Variants in TRIM10 observed in about 807,000 individuals in gnomAD.
TRIM10 encodes tripartite motif containing 10, also known as tripartite motif-containing protein 10.
TRIM10 carries 42 observed loss-of-function variants against 40.0 expected under a neutral mutation model. That is an observed-to-expected ratio of 1.05 (90% CI 0.82 to 1.36). TRIM10 has a LOEUF of 1.36. TRIM10 is among the 40% of genes most tolerant of loss of function. TRIM10 has a pLI of 0.00. For synonymous variants in TRIM10, 260 were observed against 239.5 expected (o/e 1.09, Z -0.79); for missense variants, 601 against 608.3 (o/e 0.99, Z 0.13).
intron 1 of TRIM10, among the ~76,000 whole-genome samples, chr6:30,159,775 C>G (rs949797938): frequency 6.6e-6 from 1 of 151,846 alleles, no homozygotes; most frequent in African/African-American, 2.4e-5. Flanking sequence ...GGAACAGGTA[C>G]ACACACGATA....
At position 30,152,340 on chromosome 6, in the gene TRIM10, A is replaced by G. The variant is rs1366767396; in HGVS notation, c.*1629T>C. 1 of 143,998 alleles carries G rather than the reference A, an allele frequency of 6.9e-6. No homozygotes were observed. The highest frequency in any genetic ancestry group is 1.6e-5 in the Non-Finnish European group (1 of 63,788). The allele number at this position is 143,998 out of a possible 1,614,324, so 8.9% of individuals were successfully genotyped here. Reference sequence around the variant, plus strand: ...ACACAGCTAAAGCCAATAAAAATAAACAAAAATAGGATCTACTTTTCTGGA... The same window carrying G: ...ACACAGCTAAAGCCAATAAAAATAAGCAAAAATAGGATCTACTTTTCTGGA... On this transcript the variant is annotated 3_prime_UTR_variant, in exon 7 of 7. Coordinates refer to ENST00000449742, the MANE Select transcript of TRIM10 (RefSeq NM_006778.4).
intron 1 of TRIM10, 109 bp downstream of exon 1, chr6:30,160,321 A>G (rs1772951386): frequency 3.3e-6 from 4 of 1,211,532 alleles, no homozygotes; most frequent in Non-Finnish European, 4.6e-6. Context: ...TGATCATGTA[A>G]GTAAGGAGAA....
chr6:30,159,210 T>C lies in TRIM10; in HGVS notation c.465A>G (p.Lys155=). The part of the protein sequence containing the change: ...QIHKCLKCLR[K]EREEIQEIQS... ...GGATTTCTTGAATCTCCTCTCTCTC[T>C]TTTCTTAGACATTTAAGACACTTAT... is the stretch of plus-strand genomic sequence containing the variant. The change falls in exon 2 of 7, where the codon AAA becomes AAG. Residue 155 remains lysine, a synonymous_variant. Transcript: ENST00000449742. 1.9e-6 allele frequency: 3 copies of C among 1,611,620 alleles called. No homozygotes were observed. Among genetic ancestry groups the C allele is most frequent in the Non-Finnish European group, 2.5e-6 (3 of 1,178,696 alleles).
upstream of TRIM10, chr6:30,163,833 C>T: frequency 6.2e-7 from 1 of 1,613,066 alleles, no homozygotes; most frequent in South Asian, 1.1e-5. Flanking sequence ...GGGGCCCAAT[C>T]CTCGGGCAAG....
chr6:30,160,480 G>T lies in TRIM10; in HGVS notation c.379C>A (p.His127Asn), dbSNP rs769894583. 1 of 1,614,096 alleles carries T rather than the reference G, an allele frequency of 6.2e-7. No homozygotes were observed. Among genetic ancestry groups the T allele is most frequent in the Non-Finnish European group, 8.5e-7 (1 of 1,180,018 alleles). ...AGGAAGCGCATGGTGTGGGTAGCGT[G>T]CTCCCCAGCCTCCCGGCACACCACG... ...LCVVCREAGEHATHTMRFLED... is the reference protein window; with the variant it reads ...LCVVCREAGENATHTMRFLED... Residue 127 changes from histidine to asparagine, a missense_variant, in exon 1 of 7, where the codon CAC (histidine) becomes AAC (asparagine). Coordinates refer to ENST00000449742, the MANE Select transcript of TRIM10 (RefSeq NM_006778.4).
intron 3 of TRIM10, 100 bp from the exon 4 acceptor site, chr6:30,157,491 T>C (rs1772657636): frequency 7.8e-7 from 1 of 1,280,680 alleles, no homozygotes; most frequent in East Asian, 2.4e-5. Flanking sequence ...TTTATTTGCT[T>C]GTTTGTTTGT....
At chr6:30,161,322 C>T (rs1420886043), upstream of TRIM10, among the ~76,000 whole-genome samples, 2 of 152,136 alleles carry the variant, frequency 1.3e-5, no homozygotes, top group Non-Finnish European at 2.9e-5. Context: ...TATCAGCCAG[C>T]CCAGGGCTTG....
intron 5 of TRIM10, 155 bp downstream of exon 5, chr6:30,156,784 G>T (rs565363595): frequency 4.2e-6 from 3 of 718,730 alleles, no homozygotes; most frequent in Non-Finnish European, 7.5e-6. Flanking sequence ...ATCCTAATAG[G>T]CAGATTTTAT....
At chr6:30,162,092 G>A (rs553093354), upstream of TRIM10, among the ~76,000 whole-genome samples, 88 of 152,074 alleles carry the variant, frequency 5.8e-4, no homozygotes, top group African/African-American at 2.0e-3. Flanking sequence ...TGGTTAACAC[G>A]GTGAAACCCC....
Position 30,160,994 on chromosome 6 carries a change from A to G in TRIM10, c.-136T>C. ...ACATACTAAATATGCACCAGCACCC[A>G]TATCGTCACACACTTGCATCTCTGG... On this transcript the variant is annotated 5_prime_UTR_variant, in exon 1 of 7. It removes an upstream start codon present in the reference 5' UTR. Transcript: ENST00000449742. 3 of 825,076 alleles carry G rather than the reference A, an allele frequency of 3.6e-6. No homozygotes were observed. The highest frequency in any genetic ancestry group is 5.5e-6 in the Non-Finnish European group (3 of 542,426). 51.1% of individuals were successfully genotyped at this position (825,076 alleles called of 1,614,324 possible). A position where few individuals can be genotyped will look rare whatever the true frequency, so the allele number is the denominator to read the frequency against.
Position 30,160,569 on chromosome 6 carries a change from T to TC in TRIM10, c.289dup (p.Asp97GlyfsTer15), listed in dbSNP as rs1381132178. The TC allele has an allele frequency of 6.2e-7, 1 of 1,614,052 alleles. No individual in the cohort carries two copies. Among genetic ancestry groups the TC allele is most frequent in the Non-Finnish European group, 8.5e-7 (1 of 1,180,040 alleles). ...CTTCTCTCCGTGCTCTTGGCAGACA[T>TC]CCTCCTCTCCCAAACCCAGTGTGGA... On this transcript the variant is annotated frameshift_variant, in exon 1 of 7. Coordinates refer to ENST00000449742, the MANE Select transcript of TRIM10 (RefSeq NM_006778.4). LOFTEE classifies it high-confidence loss of function.
At chr6:30,154,636 T>C (rs747498082) in intron 6 of TRIM10, 150 bp from the exon 7 acceptor site, 18 of 953,342 alleles carry the variant, frequency 1.9e-5, no homozygotes, top group Non-Finnish European at 2.8e-5. Flanking sequence ...TGGAACCACC[T>C]GGGAACTTGT....
At chr6:30,162,975 T>TAAATAAAA (rs1773251581), upstream of TRIM10, among the ~76,000 whole-genome samples, 3 of 141,742 alleles carry the variant, frequency 2.1e-5, no homozygotes, top group African/African-American at 8.2e-5. Flanking sequence ...AATAAATAAA[T>TAAATAAAA]AAAATAGTCC....
At position 30,160,890 on chromosome 6, in the gene TRIM10, C is replaced by T. The variant is rs1773036079; in HGVS notation, c.-32G>A. The T allele has an allele frequency of 1.3e-6, 2 of 1,563,086 alleles. No homozygotes were observed. Among genetic ancestry groups the T allele is most frequent in the African/African-American group, 1.4e-5 (1 of 74,030 alleles). On this transcript the variant is annotated 5_prime_UTR_variant, in exon 1 of 7. Transcript: ENST00000449742. ...CCTGCTGCTATGGCTTCCTCAAGGC[C>T]ACTCTCTCTGCTTGGCCACGGGGGA...
intron 6 of TRIM10, 127 bp downstream of exon 6, chr6:30,155,600 A>T: frequency 1.4e-6 from 1 of 722,116 alleles, no homozygotes; most frequent in Non-Finnish European, 2.4e-6. Flanking sequence ...TGATGTGTAT[A>T]TGTATCCATG....
Position 30,154,282 on chromosome 6 carries a change from C to T in TRIM10, c.1133G>A (p.Ser378Asn). 6.2e-7 allele frequency: 1 copy of T among 1,612,816 alleles called. No individual in the cohort carries two copies. The highest frequency in any genetic ancestry group is 1.3e-5 in the African/African-American group (1 of 75,048). ...CTCGCTCACCACGCCCACGGTGCAG[C>T]TGCCCCCATGGGCCAGGTCTATACT... Reference protein sequence around the residue: ...VVSIDLAHGGSCTVGVVSEDV... With the variant: ...VVSIDLAHGGNCTVGVVSEDV... The change falls in exon 7 of 7, where the codon AGC becomes AAC. Residue 378 changes from serine to asparagine, a missense_variant. Physicochemically the swap from Ser to Asn is conservative, Grantham distance 46 (BLOSUM62 1). Transcript: ENST00000449742.
intron 6 of TRIM10, 50 bp from the exon 7 acceptor site, chr6:30,154,536 C>A: frequency 6.3e-7 from 1 of 1,592,460 alleles, no homozygotes; most frequent in Non-Finnish European, 8.5e-7. Flanking sequence ...GCTATTACCT[C>A]CAAGGAAGGC....
At position 30,155,758 on chromosome 6, in the gene TRIM10, T is replaced by C. The variant is rs377295787; in HGVS notation, c.897A>G (p.Glu299=). ...PLQREMKMFL[E]KLCFELDYEP... ...CATAGTCCAACTCAAAGCATAGTTTTTCTGTAAAGAAAATAAACCAGGATG... is the reference window on the plus strand; with the variant it reads ...CATAGTCCAACTCAAAGCATAGTTTCTCTGTAAAGAAAATAAACCAGGATG... Residue 299 remains glutamate, a splice_region_variant and synonymous_variant, in exon 6 of 7, where the codon GAA becomes GAG. Coordinates refer to ENST00000449742, the MANE Select transcript of TRIM10 (RefSeq NM_006778.4). The C allele has an allele frequency of 6.2e-7, 1 of 1,613,236 alleles. No individual in the cohort carries two copies. The highest frequency in any genetic ancestry group is 8.5e-7 in the Non-Finnish European group (1 of 1,179,806).
intron 3 of TRIM10, 21 bp downstream of exon 3, chr6:30,158,377 AG>A: frequency 6.3e-7 from 1 of 1,596,760 alleles, no homozygotes; most frequent in South Asian, 1.1e-5. Flanking sequence ...CAGGTGGGGC[AG>A]GGTTCCGGTT....
Sources: allele counts gnomAD v4.1 joint callset (sites outside exome capture counted in the v4.1 genomes callset), GRCh38; gene constraint gnomAD v4.1.1; transcripts MANE v1.5; gene names NCBI Gene and HGNC (gene_info 2026-07-23, HGNC 2026-07-21).